Variants in NTM observed in about 807,000 individuals in gnomAD.
NTM encodes neurotrimin, also known as IgLON family member 2.
A neutral mutation model predicts 42.1 loss-of-function variants in NTM; 13 were observed. The ratio of observed to expected loss-of-function variants is 0.31; its 90% CI spans 0.20 to 0.49. NTM has a LOEUF of 0.49. Among genes scored for constraint, NTM ranks in the 20% least tolerant of loss-of-function variants. The pLI is 0.99. For synonymous variants in NTM, 187 were observed against 179.2 expected, an observed-to-expected ratio of 1.04 and a Z score of -0.35; for missense variants, 373 against 452.8, an observed-to-expected ratio of 0.82 and a Z score of 1.60.
chr11:132,248,370 CTG>C (rs1410912918), intron 4 of NTM, among the ~76,000 whole-genome samples: 2 of 151,906 alleles, frequency 1.3e-5, no homozygotes, highest in African/African-American at 4.8e-5. Flanking sequence ...TAATTTAAAA[CTG>C]TGGCAGTGCT....
intron 1 of NTM, among the ~76,000 whole-genome samples, chr11:131,569,114 T>G (rs1260628218): frequency 6.6e-6 from 1 of 152,002 alleles, no homozygotes; most frequent in Non-Finnish European, 1.5e-5. Context: ...CTAATCTGCT[T>G]TCTTTTTATT....
chr11:131,774,787 C>G (rs559761351), intron 1 of NTM, among the ~76,000 whole-genome samples: 1 of 152,204 alleles, frequency 6.6e-6, no homozygotes, highest in African/African-American at 2.4e-5. Flanking sequence ...ACTCTGAGTG[C>G]TGCTGTGGGC....
intron 1 of NTM, among the ~76,000 whole-genome samples, chr11:131,861,617 A>G (rs1173559449): frequency 6.6e-6 from 1 of 152,240 alleles, no homozygotes; most frequent in Non-Finnish European, 1.5e-5. Flanking sequence ...GTAAAGGTCA[A>G]TTAAATTCAC....
intron 1 of NTM, among the ~76,000 whole-genome samples, chr11:131,451,732 G>A (rs758117421): frequency 6.6e-6 from 1 of 152,142 alleles, no homozygotes; most frequent in Non-Finnish European, 1.5e-5. Context: ...CTGGAGCCAC[G>A]AGAACTAGTG....
intron 4 of NTM, among the ~76,000 whole-genome samples, chr11:132,222,771 C>G (rs1168661594): frequency 6.6e-6 from 1 of 152,150 alleles, no homozygotes; most frequent in Admixed American, 6.5e-5. Flanking sequence ...CCCACGCACC[C>G]CACCCTGAAA....
chr11:131,640,673 C>G (rs545594206), intron 1 of NTM, among the ~76,000 whole-genome samples: 6 of 152,172 alleles, frequency 3.9e-5, no homozygotes, highest in African/African-American at 1.4e-4. Context: ...CCAGTCACCT[C>G]ACCCTTCTTA....
chr11:131,562,214 C>T (rs1483052539), intron 1 of NTM, among the ~76,000 whole-genome samples: 1 of 152,038 alleles, frequency 6.6e-6, no homozygotes, highest in Non-Finnish European at 1.5e-5. Flanking sequence ...AGGGAAAAGT[C>T]TATTTCTCAT....
intron 1 of NTM, among the ~76,000 whole-genome samples, chr11:131,674,447 T>G (rs1245309166): frequency 6.6e-6 from 1 of 152,228 alleles, no homozygotes; most frequent in African/African-American, 2.4e-5. Flanking sequence ...TGTAAAGTGA[T>G]CAGCATGACC....
chr11:131,994,296 G>A (rs749407905), intron 2 of NTM, among the ~76,000 whole-genome samples: 11 of 152,268 alleles, frequency 7.2e-5, no homozygotes, highest in South Asian at 6.2e-4. Context: ...TCTGAGGGGT[G>A]GGAAGGGAGT....
intron 1 of NTM, among the ~76,000 whole-genome samples, chr11:131,758,669 T>C (rs2083673417): frequency 6.6e-6 from 1 of 152,180 alleles, no homozygotes; most frequent in Admixed American, 6.6e-5. Flanking sequence ...CTTGGCTCAC[T>C]GCAACCTCAG....
At chr11:132,302,167 C>G (rs1191701247) in intron 4 of NTM, among the ~76,000 whole-genome samples, 1 of 152,150 alleles carries the variant, frequency 6.6e-6, no homozygotes, top group Non-Finnish European at 1.5e-5. Flanking sequence ...ATCCAGCTTG[C>G]TTCATTTCCC....
intron 1 of NTM, among the ~76,000 whole-genome samples, chr11:131,819,908 G>A (rs752675594): frequency 1.4e-4 from 22 of 152,130 alleles, no homozygotes; most frequent in Non-Finnish European, 2.8e-4. Context: ...CCGCTACTCC[G>A]TCTCTGAATT....
intron 2 of NTM, among the ~76,000 whole-genome samples, chr11:131,954,836 A>C (rs2061396552): frequency 6.6e-6 from 1 of 152,202 alleles, no homozygotes; most frequent in Admixed American, 6.5e-5. Flanking sequence ...ATCTTTTGTT[A>C]CCTACTCATA....
intron 1 of NTM, among the ~76,000 whole-genome samples, chr11:131,825,671 A>G (rs1172708684): frequency 6.6e-6 from 1 of 152,184 alleles, no homozygotes; most frequent in Non-Finnish European, 1.5e-5. Context: ...AGGATGGAAA[A>G]GATGGACTGG....
intron 1 of NTM, among the ~76,000 whole-genome samples, chr11:131,742,287 G>C (rs1018073167): frequency 6.6e-6 from 1 of 152,152 alleles, no homozygotes; most frequent in Non-Finnish European, 1.5e-5. Context: ...GGCAAATTTT[G>C]TCATGGCCTT....
At chr11:132,304,289 C>T (rs1015325146) in intron 4 of NTM, among the ~76,000 whole-genome samples, 11 of 152,082 alleles carry the variant, frequency 7.2e-5, no homozygotes, top group Non-Finnish European at 1.5e-4. Flanking sequence ...AAAAAGCAGA[C>T]TTATAATGAG....
chr11:131,902,354 C>A (rs1325822880), intron 1 of NTM, among the ~76,000 whole-genome samples: 1 of 152,190 alleles, frequency 6.6e-6, no homozygotes, highest in African/African-American at 2.4e-5. Context: ...GCCTTCCCAC[C>A]ACTTCACCTG....
At chr11:131,525,358 G>A (rs1364893468) in intron 1 of NTM, among the ~76,000 whole-genome samples, 1 of 152,232 alleles carries the variant, frequency 6.6e-6, no homozygotes, top group East Asian at 1.9e-4. Flanking sequence ...CTGTTTGAAT[G>A]TCAGCTGCTG....
At chr11:132,041,231 T>TAGAGAGAGAG (rs10598969) in intron 2 of NTM, among the ~76,000 whole-genome samples, 1 of 145,468 alleles carries the variant, frequency 6.9e-6, no homozygotes, top group Non-Finnish European at 1.5e-5. Flanking sequence ...GAGAGATAGA[T>TAGAGAGAGAG]AGAGAGAGAG....
Sources: gnomAD v4.1 joint callset for allele counts (sites outside exome capture counted in the v4.1 genomes callset) on GRCh38, gnomAD v4.1.1 for gene constraint, MANE v1.5 for transcripts, NCBI Gene and HGNC (gene_info 2026-07-23, HGNC 2026-07-21) for gene names.